The following DACH1 variants were observed in gnomAD, a reference collection of about 807,000 sequenced individuals.
DACH1 encodes the protein dachshund homolog 1.
Under a neutral mutation model 54.2 loss-of-function variants are expected in DACH1, and 12 were observed. That is an observed-to-expected ratio of 0.22 (90% confidence interval 0.14 to 0.36). DACH1 has a LOEUF of 0.36. Ranked by LOEUF, DACH1 falls within the 10% of genes least tolerant of loss-of-function variation. The pLI is 1.00. For missense variants in DACH1, 805 were observed against 929.8 expected, an observed-to-expected ratio of 0.87 and a Z score of 1.75; for synonymous variants, 386 against 366.2, an observed-to-expected ratio of 1.05 and a Z score of -0.62.
chr13:71,691,527 T>C (rs1035156719), intron 1 of DACH1, among the ~76,000 whole-genome samples: 1 of 151,536 alleles, frequency 6.6e-6, no homozygotes, highest in African/African-American at 2.4e-5. Flanking sequence ...TTGTGAACCA[T>C]GGCAATCTGG....
chr13:71,773,635 T>C (rs930937539), intron 1 of DACH1, among the ~76,000 whole-genome samples: 15 of 151,916 alleles, frequency 9.9e-5, no homozygotes, highest in African/African-American at 2.9e-4. Context: ...GAAGAAAAAA[T>C]ATGTCGCACT....
At chr13:71,851,384 T>A (rs150793064) in intron 1 of DACH1, among the ~76,000 whole-genome samples, 1 of 152,344 alleles carries the variant, frequency 6.6e-6, no homozygotes, top group African/African-American at 2.4e-5. Flanking sequence ...TTATAACTAG[T>A]AAATAATGAT....
intron 7 of DACH1, among the ~76,000 whole-genome samples, chr13:71,488,112 C>T (rs765377732): frequency 1.3e-5 from 2 of 152,072 alleles, no homozygotes; most frequent in Non-Finnish European, 2.9e-5. Context: ...AATTACATTT[C>T]CACTGGGGGA....
chr13:71,709,599 G>A (rs115350116), intron 1 of DACH1, among the ~76,000 whole-genome samples: 9 of 152,160 alleles, frequency 5.9e-5, no homozygotes, highest in African/African-American at 2.4e-5. Flanking sequence ...TAATAAGGGT[G>A]TGAAAAGGCC....
At chr13:71,595,311 T>C (rs1874016318) in intron 3 of DACH1, among the ~76,000 whole-genome samples, 1 of 152,054 alleles carries the variant, frequency 6.6e-6, no homozygotes, top group African/African-American at 2.4e-5. Context: ...GATTGTAGGT[T>C]ATTGGAAGGA....
chr13:71,491,157 T>G (rs184180057), intron 6 of DACH1, among the ~76,000 whole-genome samples: 2 of 152,248 alleles, frequency 1.3e-5, no homozygotes, highest in African/African-American at 4.8e-5. Context: ...ATGCATAAAT[T>G]TATGTAGCCA....
intron 1 of DACH1, among the ~76,000 whole-genome samples, chr13:71,745,585 C>T (rs1036206283): frequency 3.9e-5 from 6 of 152,230 alleles, no homozygotes; most frequent in African/African-American, 1.4e-4. Flanking sequence ...AACGTGACAT[C>T]GAGATTAAGA....
intron 6 of DACH1, among the ~76,000 whole-genome samples, chr13:71,515,519 G>T (rs556338357): frequency 6.6e-6 from 1 of 151,978 alleles, no homozygotes; most frequent in East Asian, 1.9e-4. Flanking sequence ...CATTTGCTAT[G>T]ATTTTGTTAA....
intron 10 of DACH1, among the ~76,000 whole-genome samples, chr13:71,468,046 C>G (rs1049073234): frequency 6.6e-6 from 1 of 152,102 alleles, no homozygotes; most frequent in Non-Finnish European, 1.5e-5. Context: ...AATAAAGACA[C>G]TTTTAAATAT....
At chr13:71,623,737 G>A (rs986907270) in intron 3 of DACH1, among the ~76,000 whole-genome samples, 4 of 151,754 alleles carry the variant, frequency 2.6e-5, no homozygotes, top group Non-Finnish European at 4.4e-5. Flanking sequence ...TAAAAAAGAC[G>A]AGCAGTTAAG....
chr13:71,755,294 A>T (rs1885098272), intron 1 of DACH1, among the ~76,000 whole-genome samples: 1 of 152,248 alleles, frequency 6.6e-6, no homozygotes, highest in Admixed American at 6.5e-5. Context: ...AAGCTGCAAT[A>T]CAAGGCTGTT....
chr13:71,723,068 C>T (rs968633286), intron 1 of DACH1, among the ~76,000 whole-genome samples: 2 of 152,078 alleles, frequency 1.3e-5, no homozygotes, highest in East Asian at 1.9e-4. Flanking sequence ...AACCAGAAAC[C>T]GTTGTACATT....
chr13:71,468,385 G>T (rs967334055), intron 10 of DACH1, among the ~76,000 whole-genome samples: 2 of 152,084 alleles, frequency 1.3e-5, no homozygotes, highest in African/African-American at 4.8e-5. Flanking sequence ...AGGGGTGGGG[G>T]AAACAATGGG....
In DACH1 at chr13:71,823,243, G is replaced by A. The variant is rs192758498; in HGVS notation, c.848+42679C>T. ...CAAAATTATTCAATCTTTTGTTTCC[G>A]TTAAAAATATCCAGCAATCAGAGTT... On this transcript the variant is annotated intron_variant, in intron 1 of 10. Transcript: ENST00000613252. 9.4e-4 allele frequency among the ~76,000 whole-genome samples: 143 copies of A among 152,030 alleles called. 1 individual carries two copies. Among genetic ancestry groups the A allele is most frequent in the South Asian group, 9.3e-3 (45 of 4,824 alleles).
rs1293933188 is a variant in DACH1, at chr13:71,635,960, T to A, written c.965-5243A>T. ...CAGGTCTGGCTAATTTTTGGGGTAT[T>A]TTTAGTAGAGATGGGGTTTCACCAT... is the stretch of plus-strand genomic sequence containing the variant. On this transcript the variant is annotated intron_variant, in intron 2 of 10. Transcript: ENST00000613252. Among the ~76,000 whole-genome samples, 8 of 152,108 alleles carry A rather than the reference T, an allele frequency of 5.3e-5. No homozygotes were observed. In the East Asian group the frequency reaches 1.6e-3, roughly 29 times the overall value.
At chr13:71,542,481 T>G (rs548587284) in intron 6 of DACH1, among the ~76,000 whole-genome samples, 2 of 152,134 alleles carry the variant, frequency 1.3e-5, no homozygotes, top group Non-Finnish European at 2.9e-5. Flanking sequence ...AAAGAATTGA[T>G]AGAGAAAAAT....
chr13:71,803,025 T>G (rs1358360698), intron 1 of DACH1, among the ~76,000 whole-genome samples: 8 of 152,176 alleles, frequency 5.3e-5, no homozygotes, highest in African/African-American at 1.9e-4. Flanking sequence ...ACAAAATGTT[T>G]GTCATAATAA....
At chr13:71,667,162 T>C (rs184593848) in intron 2 of DACH1, among the ~76,000 whole-genome samples, 2 of 152,266 alleles carry the variant, frequency 1.3e-5, no homozygotes, top group Admixed American at 6.5e-5. Flanking sequence ...TTTACATGAC[T>C]AAGATCTCAC....
intron 1 of DACH1, among the ~76,000 whole-genome samples, chr13:71,828,572 T>C (rs143831125): frequency 6.6e-6 from 1 of 152,138 alleles, no homozygotes; most frequent in African/African-American, 2.4e-5. Flanking sequence ...CCATGAAACA[T>C]TAGCGTAAGC....
Sources: gnomAD v4.1 joint callset for allele counts (sites outside exome capture counted in the v4.1 genomes callset) on GRCh38, gnomAD v4.1.1 for gene constraint, MANE v1.5 for transcripts, NCBI Gene and HGNC (gene_info 2026-07-23, HGNC 2026-07-21) for gene names.